The following ERC1 variants were observed in gnomAD, a reference collection of about 807,000 sequenced individuals.
ERC1 encodes the protein ELKS/RAB6-interacting/CAST family member 1.
In ERC1, 56 loss-of-function variants were observed where a neutral mutation model predicts 132.0. The ratio of observed to expected loss-of-function variants is 0.42; its 90% CI spans 0.34 to 0.53. The LOEUF (loss-of-function observed/expected upper bound fraction) is 0.53, where lower values mean the gene tolerates loss of function less well. ERC1 is among the 20% of genes least tolerant of loss of function. The pLI, the probability that ERC1 is intolerant of heterozygous loss-of-function variation, is 0.03. For missense variants in ERC1, 1,202 were observed against 1,349.9 expected, an observed-to-expected ratio of 0.89 and a Z score of 1.72; for synonymous variants, 478 against 476.1, an observed-to-expected ratio of 1.00 and a Z score of -0.05.
intron 13 of ERC1, among the ~76,000 whole-genome samples, chr12:1,256,207 A>T (rs1210789688): frequency 6.6e-6 from 1 of 151,732 alleles, no homozygotes; most frequent in East Asian, 1.9e-4. Context: ...GTTCACTCTG[A>T]TGAAATCTAC....
chr12:1,151,478 C>G (rs1031011961), intron 8 of ERC1, among the ~76,000 whole-genome samples: 1 of 152,184 alleles, frequency 6.6e-6, no homozygotes, highest in Non-Finnish European at 1.5e-5. Context: ...CAAGAAATCC[C>G]TGTTATATTC....
chr12:1,445,376 C>T (rs544923683), intron 18 of ERC1, among the ~76,000 whole-genome samples: 55 of 151,948 alleles, frequency 3.6e-4, no homozygotes, highest in African/African-American at 1.1e-3. Context: ...ACTACAGGCG[C>T]GTGCCAACAT....
intron 1 of ERC1, among the ~76,000 whole-genome samples, chr12:1,004,062 C>CTGGG (rs1315136153): frequency 1.7e-4 from 26 of 152,256 alleles, no homozygotes; most frequent in Admixed American, 4.6e-4. Flanking sequence ...AAGAGGTGAC[C>CTGGG]TGGGAGAGCT....
At chr12:1,445,288 G>A (rs555798018) in intron 18 of ERC1, among the ~76,000 whole-genome samples, 9 of 140,768 alleles carry the variant, frequency 6.4e-5, no homozygotes, top group African/African-American at 8.1e-5. Flanking sequence ...GGAGTGCAAT[G>A]GTATGATCTC....
intron 9 of ERC1, among the ~76,000 whole-genome samples, 186 bp from the exon 10 acceptor site, chr12:1,181,739 C>A (rs952457735): frequency 6.6e-6 from 1 of 150,692 alleles, no homozygotes; most frequent in Non-Finnish European, 1.5e-5. Context: ...GCCGAGATCA[C>A]GCCATTACAC....
intron 18 of ERC1, among the ~76,000 whole-genome samples, chr12:1,456,041 T>C (rs2093526606): frequency 6.6e-6 from 1 of 152,218 alleles, no homozygotes; most frequent in Admixed American, 6.5e-5. Context: ...AGGAAACATT[T>C]ATGGGCCTCC....
intron 1 of ERC1, among the ~76,000 whole-genome samples, chr12:1,000,941 T>C (rs1378723357): frequency 1.3e-5 from 2 of 152,188 alleles, no homozygotes; most frequent in Non-Finnish European, 1.5e-5. Flanking sequence ...TTTTTTGAGA[T>C]GGAGTTTTGC....
chr12:1,265,921 A>T lies in ERC1; in HGVS notation c.2619+2756A>T, dbSNP rs547719065. 2.0e-5 allele frequency among the ~76,000 whole-genome samples: 3 copies of T among 152,228 alleles called. No homozygotes were observed. In the South Asian group the frequency reaches 6.2e-4, roughly 32 times the overall value. On this transcript the variant is annotated intron_variant, in intron 14 of 18. Transcript: ENST00000360905. ...CTCTGAATGATATTCCATTGTATGG[A>T]TATGCCGCAGTTTGTTCATTCCTTC...
At chr12:1,082,549 A>G (rs920761170) in intron 2 of ERC1, among the ~76,000 whole-genome samples, 12 of 142,754 alleles carry the variant, frequency 8.4e-5, no homozygotes, top group African/African-American at 2.7e-4. Flanking sequence ...GAGTGCAATG[A>G]GTGCAGTCTT....
chr12:1,082,485 T>A (rs7295740), intron 2 of ERC1, among the ~76,000 whole-genome samples: 48,495 of 70,600 alleles, frequency 0.69, 15,123 homozygotes, highest in East Asian at 0.77. Flanking sequence ...AAAAAAAAAA[T>A]TTTTTTTTTT....
rs1288567512 is a variant in ERC1 at position 1,298,558 on chromosome 12, AAAC to A, written c.2780+8549_2780+8551del. 4.2e-3 allele frequency among the ~76,000 whole-genome samples: 395 copies of A among 94,872 alleles called. 7 individuals are homozygous for A. The highest frequency in any genetic ancestry group is 6.6e-3 in the Non-Finnish European group (238 of 36,178). The allele number at this position is 94,872 out of a possible 152,430, so 62.2% of individuals were successfully genotyped here. A position where few individuals can be genotyped will look rare whatever the true frequency, so the allele number is the denominator to read the frequency against. Reference sequence around the variant, plus strand: ...ACTCTGTCACAAAAAAAAAAAAAACAAACAAACAAAGAAAAAGCACCTGAAGAG... The same window carrying A: ...ACTCTGTCACAAAAAAAAAAAAAACAAAACAAAGAAAAAGCACCTGAAGAG... On this transcript the variant is annotated intron_variant, in intron 15 of 18. Coordinates refer to ENST00000360905, the MANE Select transcript of ERC1 (RefSeq NM_178040.4).
At chr12:1,064,089 T>G (rs1938601318) in intron 2 of ERC1, among the ~76,000 whole-genome samples, 1 of 152,296 alleles carries the variant, frequency 6.6e-6, no homozygotes, top group South Asian at 2.1e-4. Context: ...CCCCACCCCC[T>G]TCATTCAGCA....
chr12:1,336,846 G>GGA (rs1384979572), intron 15 of ERC1, among the ~76,000 whole-genome samples: 1 of 151,278 alleles, frequency 6.6e-6, no homozygotes, highest in Non-Finnish European at 1.5e-5. Flanking sequence ...TGCCCAGGCT[G>GGA]GAGTGCAGTG....
At chr12:1,259,299 C>T (rs368693653) in intron 13 of ERC1, among the ~76,000 whole-genome samples, 1 of 151,890 alleles carries the variant, frequency 6.6e-6, no homozygotes, top group East Asian at 1.9e-4. Flanking sequence ...CTTATTTGGG[C>T]GTTGTCTGTT....
At chr12:1,440,603 T>C (rs909820492) in intron 17 of ERC1, among the ~76,000 whole-genome samples, 2 of 15,072 alleles carry the variant, frequency 1.3e-4, no homozygotes, top group Non-Finnish European at 2.1e-4. Context: ...CAGCCTTTTG[T>C]GTGTGTGTGT....
chr12:1,207,075 T>C (rs1471373130), intron 12 of ERC1, among the ~76,000 whole-genome samples: 1 of 152,116 alleles, frequency 6.6e-6, no homozygotes, highest in African/African-American at 2.4e-5. Flanking sequence ...CCCCAAAAAA[T>C]CCCATTGTTA....
chr12:1,175,614 A>G (rs1481642285), intron 8 of ERC1, among the ~76,000 whole-genome samples: 1 of 151,500 alleles, frequency 6.6e-6, no homozygotes, highest in Non-Finnish European at 1.5e-5. Flanking sequence ...GTTCACTGCA[A>G]CCTCTGCCTC....
chr12:1,376,080 C>T (rs964312880), intron 16 of ERC1, among the ~76,000 whole-genome samples: 4 of 152,074 alleles, frequency 2.6e-5, no homozygotes, highest in African/African-American at 7.2e-5. Flanking sequence ...TTTAAATGTG[C>T]AGACTCACGC....
At position 1,027,851 on chromosome 12, in the gene ERC1, T is replaced by G. The variant is rs1967152605; in HGVS notation, c.-53T>G. On this transcript the variant is annotated 5_prime_UTR_variant, in exon 2 of 19. Coordinates refer to ENST00000360905, the MANE Select transcript of ERC1 (RefSeq NM_178040.4). ...AGAGACACCTCACAAGGTTCCCATT[T>G]TTGTTGTTGTTGTTGTTGATTTTCT... The G allele has an allele frequency of 3.4e-6, 5 of 1,467,350 alleles. No homozygotes were observed. Among genetic ancestry groups the G allele is most frequent in the Non-Finnish European group, 4.6e-6 (5 of 1,079,154 alleles). 90.9% of individuals were successfully genotyped at this position (1,467,350 alleles called of 1,614,324 possible). A position where few individuals can be genotyped will look rare whatever the true frequency, so the allele number is the denominator to read the frequency against.
Sources: allele counts gnomAD v4.1 joint callset (sites outside exome capture counted in the v4.1 genomes callset), GRCh38; gene constraint gnomAD v4.1.1; transcripts MANE v1.5; gene names NCBI Gene and HGNC (gene_info 2026-07-23, HGNC 2026-07-21).